RANBP2: variants seen among roughly 807,000 people sequenced by gnomAD.
The protein encoded by RANBP2 is RAN binding protein 2.
Under a neutral mutation model 303.6 loss-of-function variants are expected in RANBP2, and 57 were observed. The observed-to-expected ratio is 0.19, with a 90% CI of 0.15 to 0.23. The LOEUF is 0.23. RANBP2 is among the 10% of genes least tolerant of loss of function. The pLI is 1.00. For synonymous variants in RANBP2, 1,167 were observed against 1,301.5 expected (o/e 0.90, Z 2.23); for missense variants, 3,138 against 3,780.8 (o/e 0.83, Z 4.46).
chr2:109,106,188 C>G, the RANBP2 span, among the ~76,000 whole-genome samples: 1 of 152,152 alleles, frequency 6.6e-6, no homozygotes. Flanking sequence ...AATAAACTTT[C>G]TCTACTGCTC....
At chr2:109,507,912 C>T in the RANBP2 span, among the ~76,000 whole-genome samples, 1 of 152,302 alleles carries the variant, frequency 6.6e-6, no homozygotes, top group Non-Finnish European at 1.5e-5. Flanking sequence ...TGTGTACAAT[C>T]GTCCCACGTG....
chr2:109,264,399 T>C, the RANBP2 span, among the ~76,000 whole-genome samples: 1 of 152,114 alleles, frequency 6.6e-6, no homozygotes, highest in Non-Finnish European at 1.5e-5. Context: ...ACCTCGAGTC[T>C]GTGGGTGCCC....
At chr2:109,348,194 T>C in the RANBP2 span, among the ~76,000 whole-genome samples, 1 of 152,210 alleles carries the variant, frequency 6.6e-6, no homozygotes, top group Non-Finnish European at 1.5e-5. Context: ...CAGAGCTACA[T>C]AGGAGCTTGA....
chr2:109,567,044 C>CT, the RANBP2 span, among the ~76,000 whole-genome samples: 1 of 151,688 alleles, frequency 6.6e-6, no homozygotes. Flanking sequence ...AGTTTAGGTA[C>CT]ACTAATATAA....
At chr2:109,230,996 A>G in the RANBP2 span, among the ~76,000 whole-genome samples, 14 of 152,210 alleles carry the variant, frequency 9.2e-5, no homozygotes, top group Admixed American at 7.2e-4. Flanking sequence ...ACAAAAGTAC[A>G]CTTTGTTATG....
chr2:108,733,841 T>A (rs1695361832), intron 4 of RANBP2, among the ~76,000 whole-genome samples: 1 of 148,702 alleles, frequency 6.7e-6, no homozygotes, highest in South Asian at 2.1e-4. Context: ...ACCTTTCCTG[T>A]ATCAGATTTT....
chr2:109,482,039 A>G, the RANBP2 span, among the ~76,000 whole-genome samples: 2 of 152,196 alleles, frequency 1.3e-5, no homozygotes, highest in Admixed American at 6.5e-5. Flanking sequence ...GGTTATGTGC[A>G]TTGCCTTGCT....
chr2:108,864,732 T>C, the RANBP2 span, among the ~76,000 whole-genome samples: 1 of 149,380 alleles, frequency 6.7e-6, no homozygotes, highest in South Asian at 2.1e-4. Context: ...AGGCGGAGGT[T>C]GCAGTGAGTT....
At chr2:108,804,769 C>A in the RANBP2 span, 1 of 894,458 alleles carries the variant, frequency 1.1e-6, no homozygotes, top group Non-Finnish European at 1.6e-6. Flanking sequence ...TGCTTGCATA[C>A]ACTGATTAAA....
intron 7 of RANBP2, among the ~76,000 whole-genome samples, chr2:108,743,375 T>G (rs1276937084): frequency 6.6e-6 from 1 of 152,138 alleles, no homozygotes; most frequent in Non-Finnish European, 1.5e-5. Context: ...GCTCAAGTGA[T>G]CCTCTCCTGC....
chr2:108,811,247 C>CTTTTTTTTTTTTTTT, the RANBP2 span, among the ~76,000 whole-genome samples: 50 of 113,886 alleles, frequency 4.4e-4, 1 homozygote, highest in African/African-American at 1.7e-3. Context: ...TTCTCTCTCT[C>CTTTTTTTTTTTTTTT]TTTTTTTTTT....
the RANBP2 span, among the ~76,000 whole-genome samples, chr2:108,945,794 G>A: frequency 2.0e-5 from 3 of 152,180 alleles, no homozygotes; most frequent in Admixed American, 6.5e-5. Flanking sequence ...TGCTAAGTAA[G>A]ATAAGCCAGT....
At chr2:109,513,454 GCA>G in the RANBP2 span, among the ~76,000 whole-genome samples, 80 of 97,108 alleles carry the variant, frequency 8.2e-4, no homozygotes, top group Non-Finnish European at 1.5e-3. Context: ...TCACACACGT[GCA>G]CATATAGACA....
At chr2:109,087,941 C>G in the RANBP2 span, among the ~76,000 whole-genome samples, 1 of 152,184 alleles carries the variant, frequency 6.6e-6, no homozygotes, top group African/African-American at 2.4e-5. Flanking sequence ...CATTGTGTGG[C>G]CTTGAGCAAC....
chr2:109,134,989 C>G, the RANBP2 span, among the ~76,000 whole-genome samples: 2 of 152,212 alleles, frequency 1.3e-5, no homozygotes, highest in African/African-American at 2.4e-5. Context: ...CCCAGCAGCT[C>G]TGTGCTCTCC....
At chr2:108,962,700 A>AAAGAG in the RANBP2 span, among the ~76,000 whole-genome samples, 2 of 128,858 alleles carry the variant, frequency 1.6e-5, no homozygotes, top group African/African-American at 3.0e-5. Flanking sequence ...AAAAAAAAAA[A>AAAGAG]AGAGAGAAAG....
At chr2:109,300,954 C>T in the RANBP2 span, among the ~76,000 whole-genome samples, 9 of 152,242 alleles carry the variant, frequency 5.9e-5, 1 homozygote, top group Admixed American at 5.9e-4. Context: ...TGGCTACCAG[C>T]TGCAGATGCT....
the RANBP2 span, among the ~76,000 whole-genome samples, chr2:109,516,518 C>T: frequency 2.7e-4 from 41 of 152,346 alleles, no homozygotes; most frequent in Middle Eastern, 6.8e-3. Context: ...ACAGAGAGCC[C>T]GCCCTTCCTC....
the RANBP2 span, among the ~76,000 whole-genome samples, chr2:109,253,793 A>G: frequency 6.6e-6 from 1 of 152,200 alleles, no homozygotes; most frequent in Non-Finnish European, 1.5e-5. Flanking sequence ...ATTGCTATAT[A>G]GGTTGACACA....
Sources: allele counts gnomAD v4.1 joint callset (sites outside exome capture counted in the v4.1 genomes callset), GRCh38; gene constraint gnomAD v4.1.1; transcripts MANE v1.5; gene names NCBI Gene and HGNC (gene_info 2026-07-23, HGNC 2026-07-21).